Variants in DLG2 observed in about 807,000 individuals in gnomAD.
DLG2 encodes discs large MAGUK scaffold protein 2.
DLG2 carries 45 observed loss-of-function variants against 132.5 expected under a neutral mutation model. The observed-to-expected ratio is 0.34, with a 90% CI of 0.27 to 0.44. The LOEUF (loss-of-function observed/expected upper bound fraction) is 0.44. Ranked by LOEUF, DLG2 falls within the 20% of genes least tolerant of loss-of-function variation. DLG2 has a pLI of 1.00. For synonymous variants in DLG2, 424 were observed against 419.6 expected (o/e 1.01, Z -0.13); for missense variants, 1,045 against 1,196.9 (o/e 0.87, Z 1.87).
chr11:85,177,635 G>A (rs1486081824), intron 4 of DLG2, among the ~76,000 whole-genome samples: 1 of 151,786 alleles, frequency 6.6e-6, no homozygotes, highest in Admixed American at 6.6e-5. Flanking sequence ...TTTACCTATG[G>A]AACAAACCTA....
In DLG2 at chr11:84,921,063, A is replaced by G. The variant is rs143285811; in HGVS notation, c.357+190598T>C. On this transcript the variant is annotated intron_variant, in intron 6 of 27. Transcript: ENST00000376104. ...ATAAGTAGTTCTTGTAACAATAGAAATAAAAGCAAACACTTTTAAAATGTA... is the reference window on the plus strand; with the variant it reads ...ATAAGTAGTTCTTGTAACAATAGAAGTAAAAGCAAACACTTTTAAAATGTA... 6.7e-3 allele frequency among the ~76,000 whole-genome samples: 1,025 copies of G among 152,156 alleles called. 9 individuals are homozygous for G. The highest frequency in any genetic ancestry group is 0.023 in the African/African-American group (967 of 41,484).
At chr11:83,699,309 T>C (rs2082450602) in intron 18 of DLG2, among the ~76,000 whole-genome samples, 1 of 152,168 alleles carries the variant, frequency 6.6e-6, no homozygotes, top group South Asian at 2.1e-4. Context: ...TATGGCACAA[T>C]TCACATTGGG....
intron 3 of DLG2, among the ~76,000 whole-genome samples, chr11:85,422,537 A>AT (rs58690357): frequency 0.68 from 98,570 of 144,950 alleles, 33,091 homozygotes; most frequent in Middle Eastern, 0.78. Flanking sequence ...TGAAGTTTTT[A>AT]TTTTTTTTGG....
intron 3 of DLG2, among the ~76,000 whole-genome samples, chr11:85,300,209 A>C (rs1382328495): frequency 6.6e-6 from 1 of 152,206 alleles, no homozygotes; most frequent in Non-Finnish European, 1.5e-5. Flanking sequence ...AATTATCTTC[A>C]TGGGAAGAGA....
chr11:83,954,259 C>T (rs758296490), intron 14 of DLG2, among the ~76,000 whole-genome samples: 3 of 152,100 alleles, frequency 2.0e-5, no homozygotes, highest in South Asian at 2.1e-4. Flanking sequence ...TTGTTAGATT[C>T]GCCATTAGCA....
At chr11:84,068,633 A>G (rs903221760) in intron 10 of DLG2, among the ~76,000 whole-genome samples, 1 of 152,230 alleles carries the variant, frequency 6.6e-6, no homozygotes, top group Non-Finnish European at 1.5e-5. Context: ...ACATTTTAGT[A>G]TAAGTATGTT....
chr11:83,721,974 AG>A (rs1390613722), intron 18 of DLG2, among the ~76,000 whole-genome samples: 1 of 152,218 alleles, frequency 6.6e-6, no homozygotes. Flanking sequence ...CAGTTTGCCA[AG>A]GCATATAAAA....
At chr11:83,968,054 C>G (rs2090586445) in intron 12 of DLG2, among the ~76,000 whole-genome samples, 1 of 152,096 alleles carries the variant, frequency 6.6e-6, no homozygotes, top group South Asian at 2.1e-4. Flanking sequence ...GCTACTATTT[C>G]TTTAATGACA....
chr11:84,603,371 T>G (rs1446538085), intron 6 of DLG2, among the ~76,000 whole-genome samples: 1 of 151,992 alleles, frequency 6.6e-6, no homozygotes, highest in East Asian at 1.9e-4. Context: ...TCTATTGAAA[T>G]GTGACTTTTC....
chr11:83,654,066 A>T (rs1344673014), intron 18 of DLG2, among the ~76,000 whole-genome samples: 2 of 151,978 alleles, frequency 1.3e-5, no homozygotes, highest in Non-Finnish European at 2.9e-5. Flanking sequence ...TGAAGTGCTG[A>T]ATTTATTCTA....
intron 7 of DLG2, among the ~76,000 whole-genome samples, chr11:84,308,870 C>T (rs535386270): frequency 2.7e-4 from 41 of 152,344 alleles, no homozygotes; most frequent in African/African-American, 8.9e-4. Flanking sequence ...GGAACTCACG[C>T]TGGCCCACAA....
At chr11:85,243,677 CAAAT>C (rs2076002492) in intron 4 of DLG2, among the ~76,000 whole-genome samples, 1 of 151,830 alleles carries the variant, frequency 6.6e-6, no homozygotes, top group African/African-American at 2.4e-5. Context: ...ATGCCAAAAA[CAAAT>C]AAAGAGCATA....
intron 21 of DLG2, among the ~76,000 whole-genome samples, chr11:83,511,382 C>G (rs546044068): frequency 6.6e-6 from 1 of 152,096 alleles, no homozygotes; most frequent in Non-Finnish European, 1.5e-5. Context: ...AAAATTGTGT[C>G]TAATAAATGA....
chr11:84,334,319 G>C (rs1039666874), intron 7 of DLG2, among the ~76,000 whole-genome samples: 1 of 152,106 alleles, frequency 6.6e-6, no homozygotes, highest in African/African-American at 2.4e-5. Context: ...GCCTGTATGA[G>C]GGACCATGCA....
chr11:84,251,132 TA>T, intron 8 of DLG2, 105 bp downstream of exon 8: 1 of 628,714 alleles, frequency 1.6e-6, no homozygotes, highest in Non-Finnish European at 2.6e-6. Flanking sequence ...TGTCATTCCA[TA>T]AGATTATTTA....
intron 3 of DLG2, among the ~76,000 whole-genome samples, chr11:85,429,735 T>C (rs1248875962): frequency 2.0e-5 from 3 of 152,166 alleles, no homozygotes; most frequent in Non-Finnish European, 4.4e-5. Flanking sequence ...TGTGGACAAA[T>C]GGGAACACTT....
chr11:84,645,745 G>T (rs1293002310), intron 6 of DLG2, among the ~76,000 whole-genome samples: 1 of 152,200 alleles, frequency 6.6e-6, no homozygotes, highest in Non-Finnish European at 1.5e-5. Context: ...GGGATTACAG[G>T]CGTGAGCCAC....
chr11:84,123,968 T>C (rs576264510), intron 9 of DLG2, among the ~76,000 whole-genome samples: 30 of 152,350 alleles, frequency 2.0e-4, no homozygotes, highest in Admixed American at 1.6e-3. Context: ...TTCTATTTTG[T>C]GATTCATGCA....
chr11:83,692,600 C>G (rs1232929419), intron 18 of DLG2, among the ~76,000 whole-genome samples: 1 of 152,094 alleles, frequency 6.6e-6, no homozygotes, highest in Non-Finnish European at 1.5e-5. Flanking sequence ...ATAAAATCCA[C>G]TGAATTGTAT....
Sources: allele counts gnomAD v4.1 joint callset (sites outside exome capture counted in the v4.1 genomes callset), GRCh38; gene constraint gnomAD v4.1.1; transcripts MANE v1.5; gene names NCBI Gene and HGNC (gene_info 2026-07-23, HGNC 2026-07-21).